Variants in MTUS2 observed in about 807,000 individuals in gnomAD.
The protein encoded by MTUS2 is microtubule-associated tumor suppressor candidate 2.
A neutral mutation model predicts 114.1 loss-of-function variants in MTUS2; 40 were observed. The ratio of observed to expected loss-of-function variants is 0.35; its 90% CI spans 0.27 to 0.46. The LOEUF is 0.46. Ranked by LOEUF, MTUS2 falls within the 20% of genes least tolerant of loss-of-function variation. The pLI is 1.00. For missense variants in MTUS2, 1,679 were observed against 1,705.4 expected (o/e 0.98, Z 0.27); for synonymous variants, 688 against 672.0 (o/e 1.02, Z -0.37).
intron 4 of MTUS2, among the ~76,000 whole-genome samples, chr13:29,071,222 C>G (rs1451125529): frequency 2.0e-5 from 3 of 150,130 alleles, no homozygotes; most frequent in Non-Finnish European, 4.4e-5. Context: ...GGCTGGTCTC[C>G]AACTCCTGAC....
intron 1 of MTUS2, among the ~76,000 whole-genome samples, chr13:28,821,235 G>A (rs928925883): frequency 1.3e-5 from 2 of 152,160 alleles, no homozygotes; most frequent in Non-Finnish European, 2.9e-5. Flanking sequence ...AGTTTACTTG[G>A]AGATAAGCAG....
intron 4 of MTUS2, 125 bp from the exon 5 acceptor site, chr13:29,100,648 C>T (rs1890371397): frequency 8.5e-7 from 1 of 1,172,318 alleles, no homozygotes; most frequent in African/African-American, 1.6e-5. Context: ...TGTGTTGAAT[C>T]AAACCTTGCA....
At chr13:29,170,373 A>G (rs545606599) in intron 5 of MTUS2, among the ~76,000 whole-genome samples, 1 of 152,238 alleles carries the variant, frequency 6.6e-6, no homozygotes, top group Non-Finnish European at 1.5e-5. Context: ...TTGTGTGAGC[A>G]GTAACAAATT....
intron 2 of MTUS2, among the ~76,000 whole-genome samples, chr13:28,842,013 C>T (rs1309392008): frequency 6.6e-6 from 1 of 152,222 alleles, no homozygotes; most frequent in Middle Eastern, 3.4e-3. Context: ...GTATCATTTA[C>T]CCCCTTCTCC....
At chr13:29,419,734 A>G (rs1875939112) in intron 8 of MTUS2, among the ~76,000 whole-genome samples, 1 of 152,242 alleles carries the variant, frequency 6.6e-6, no homozygotes, top group South Asian at 2.1e-4. Flanking sequence ...TAAAAGGATA[A>G]GGGTCTTCTT....
At chr13:29,453,311 C>G (rs1049014106) in intron 9 of MTUS2, among the ~76,000 whole-genome samples, 1 of 152,172 alleles carries the variant, frequency 6.6e-6, no homozygotes, top group Non-Finnish European at 1.5e-5. Context: ...TTCTCGTGAA[C>G]CTCTTATTTT....
At chr13:28,961,513 T>C (rs1883327663) in intron 2 of MTUS2, among the ~76,000 whole-genome samples, 1 of 152,164 alleles carries the variant, frequency 6.6e-6, no homozygotes, top group South Asian at 2.1e-4. Flanking sequence ...ATTACTTCCA[T>C]CAACTCTTCC....
At chr13:28,989,372 G>C (rs1378702029) in intron 2 of MTUS2, among the ~76,000 whole-genome samples, 1 of 152,176 alleles carries the variant, frequency 6.6e-6, no homozygotes, top group African/African-American at 2.4e-5. Flanking sequence ...CATGTATGAG[G>C]AAATTTTAGG....
At chr13:29,338,504 C>T (rs1003202723) in intron 7 of MTUS2, among the ~76,000 whole-genome samples, 3 of 152,096 alleles carry the variant, frequency 2.0e-5, no homozygotes, top group Admixed American at 6.5e-5. Flanking sequence ...GCAGGAGAAT[C>T]GCTTGAACCG....
At chr13:29,382,724 G>A (rs1262503482) in intron 8 of MTUS2, among the ~76,000 whole-genome samples, 2 of 152,196 alleles carry the variant, frequency 1.3e-5, no homozygotes, top group Non-Finnish European at 2.9e-5. Flanking sequence ...TGCTGGGTCC[G>A]AAAAGATTCT....
intron 5 of MTUS2, chr13:29,239,856 A>G (rs573404758): frequency 6.6e-6 from 1 of 152,276 alleles, no homozygotes; most frequent in African/African-American, 2.4e-5. Context: ...GAGGTAATCC[A>G]GGAGTGAGGC....
At chr13:29,416,440 G>T (rs1875674104) in intron 8 of MTUS2, among the ~76,000 whole-genome samples, 1 of 150,494 alleles carries the variant, frequency 6.6e-6, no homozygotes, top group Admixed American at 6.6e-5. Flanking sequence ...CATATATGTA[G>T]CACATATATA....
At chr13:29,388,552 A>G (rs1178175032) in intron 8 of MTUS2, among the ~76,000 whole-genome samples, 2 of 151,876 alleles carry the variant, frequency 1.3e-5, no homozygotes, top group African/African-American at 2.4e-5. Context: ...TTTGGCTCCC[A>G]ACTTAACAAA....
intron 5 of MTUS2, among the ~76,000 whole-genome samples, chr13:29,276,611 TA>T (rs367921414): frequency 8.5e-5 from 13 of 152,156 alleles, no homozygotes; most frequent in African/African-American, 2.6e-4. Context: ...AAGAATAGTA[TA>T]GGGGGCTGGG....
chr13:29,057,522 T>C (rs1246059309), intron 4 of MTUS2, among the ~76,000 whole-genome samples: 2 of 152,180 alleles, frequency 1.3e-5, no homozygotes, highest in African/African-American at 4.8e-5. Flanking sequence ...GGTCTTCTCA[T>C]TGAACTGAAT....
chr13:29,445,238 G>T (rs1401015714), intron 9 of MTUS2, among the ~76,000 whole-genome samples: 1 of 152,142 alleles, frequency 6.6e-6, no homozygotes, highest in Admixed American at 6.5e-5. Flanking sequence ...GATGCCCGGG[G>T]TGTGGAGGGT....
At chr13:29,224,573 G>T (rs189721938) in intron 5 of MTUS2, among the ~76,000 whole-genome samples, 4 of 151,596 alleles carry the variant, frequency 2.6e-5, no homozygotes, top group Admixed American at 1.3e-4. Context: ...CCATAATTTG[G>T]GGGTATTTTT....
At chr13:29,083,368 C>T (rs560949105) in intron 4 of MTUS2, among the ~76,000 whole-genome samples, 3 of 152,198 alleles carry the variant, frequency 2.0e-5, no homozygotes, top group Admixed American at 6.5e-5. Flanking sequence ...TAAGACCTTC[C>T]CTGCAAAGGC....
chr13:29,136,288 G>C (rs1274046685), intron 5 of MTUS2, among the ~76,000 whole-genome samples: 1 of 152,190 alleles, frequency 6.6e-6, no homozygotes, highest in East Asian at 1.9e-4. Flanking sequence ...ATAGAATTGT[G>C]ATATTGTGAA....
Sources: allele counts gnomAD v4.1 joint callset (sites outside exome capture counted in the v4.1 genomes callset), GRCh38; gene constraint gnomAD v4.1.1; transcripts MANE v1.5; gene names NCBI Gene and HGNC (gene_info 2026-07-23, HGNC 2026-07-21).